The following SLC24A2 variants were observed in gnomAD, a reference collection of about 807,000 sequenced individuals.
The protein encoded by SLC24A2 is sodium/potassium/calcium exchanger 2.
In SLC24A2, 36 loss-of-function variants were observed where a neutral mutation model predicts 62.0. The ratio of observed to expected loss-of-function variants is 0.58; its 90% CI spans 0.44 to 0.77. SLC24A2 has a LOEUF of 0.77. Ranked by LOEUF, SLC24A2 falls within the 30% of genes least tolerant of loss-of-function variation. The pLI, the probability that SLC24A2 is intolerant of heterozygous loss-of-function variation, is 0.00. For synonymous variants in SLC24A2, 358 were observed against 294.0 expected (o/e 1.22, Z -2.23); for missense variants, 846 against 817.9 (o/e 1.03, Z -0.42).
the SLC24A2 span, among the ~76,000 whole-genome samples, chr9:20,231,781 A>G: frequency 2.0e-5 from 3 of 151,436 alleles, no homozygotes; most frequent in Non-Finnish European, 4.4e-5. Flanking sequence ...GTTGAACAGG[A>G]GTGGTGAGAG....
At chr9:19,694,049 C>T (rs1445217978) in intron 2 of SLC24A2, among the ~76,000 whole-genome samples, 1 of 151,320 alleles carries the variant, frequency 6.6e-6, no homozygotes, top group Non-Finnish European at 1.5e-5. Context: ...TTAATTAGTT[C>T]AACTAAAACA....
At chr9:20,151,333 C>A in the SLC24A2 span, among the ~76,000 whole-genome samples, 1 of 151,900 alleles carries the variant, frequency 6.6e-6, no homozygotes, top group Non-Finnish European at 1.5e-5. Context: ...TTCAGCCTTA[C>A]CATCCCCACT....
At chr9:19,835,369 G>A in the SLC24A2 span, among the ~76,000 whole-genome samples, 2 of 150,972 alleles carry the variant, frequency 1.3e-5, no homozygotes, top group Non-Finnish European at 3.0e-5. Context: ...CAAAATAAAG[G>A]GATGGAGGAA....
At chr9:20,109,588 T>C in the SLC24A2 span, among the ~76,000 whole-genome samples, 2 of 152,336 alleles carry the variant, frequency 1.3e-5, no homozygotes, top group African/African-American at 4.8e-5. Flanking sequence ...TTCACATGTG[T>C]CATCACAACT....
At chr9:20,014,582 C>G in the SLC24A2 span, among the ~76,000 whole-genome samples, 84 of 151,530 alleles carry the variant, frequency 5.5e-4, no homozygotes, top group African/African-American at 1.9e-3. Flanking sequence ...ACTTGCAACA[C>G]CATGGATTAA....
chr9:19,562,489 G>A (rs898065536), intron 7 of SLC24A2, among the ~76,000 whole-genome samples: 11 of 152,096 alleles, frequency 7.2e-5, no homozygotes, highest in African/African-American at 2.4e-4. Flanking sequence ...TTCAAATTAA[G>A]GCAGAAACTC....
intron 8 of SLC24A2, among the ~76,000 whole-genome samples, chr9:19,534,626 G>C (rs1333287953): frequency 4.0e-5 from 6 of 151,744 alleles, no homozygotes; most frequent in African/African-American, 1.2e-4. Flanking sequence ...TTCTGTTCTT[G>C]TGTTAGTTTG....
At chr9:19,960,755 T>C in the SLC24A2 span, among the ~76,000 whole-genome samples, 6 of 152,104 alleles carry the variant, frequency 3.9e-5, no homozygotes, top group Non-Finnish European at 8.8e-5. Context: ...TCACATAATC[T>C]CCAAGCTGTG....
At chr9:19,954,050 G>A in the SLC24A2 span, among the ~76,000 whole-genome samples, 2 of 151,798 alleles carry the variant, frequency 1.3e-5, no homozygotes, top group South Asian at 4.2e-4. Context: ...GGGAACTATG[G>A]GTCTAGGGTA....
At chr9:19,924,104 C>T in the SLC24A2 span, among the ~76,000 whole-genome samples, 1 of 152,334 alleles carries the variant, frequency 6.6e-6, no homozygotes, top group Admixed American at 6.5e-5. Context: ...ATGCCACCGT[C>T]ATGCCTGTGA....
At chr9:19,999,515 A>C in the SLC24A2 span, among the ~76,000 whole-genome samples, 3 of 152,336 alleles carry the variant, frequency 2.0e-5, no homozygotes, top group Non-Finnish European at 4.4e-5. Context: ...ATTTACAATA[A>C]ATACTCCAAC....
the SLC24A2 span, among the ~76,000 whole-genome samples, chr9:19,802,760 A>G: frequency 1.3e-5 from 2 of 152,358 alleles, no homozygotes; most frequent in Admixed American, 1.3e-4. Context: ...TCAATATTTA[A>G]TAAAACTTCA....
At chr9:20,172,147 A>T in the SLC24A2 span, among the ~76,000 whole-genome samples, 3 of 152,048 alleles carry the variant, frequency 2.0e-5, no homozygotes, top group Admixed American at 1.3e-4. Context: ...AACAGAAATT[A>T]AAAAATTCTT....
the SLC24A2 span, among the ~76,000 whole-genome samples, chr9:20,097,952 C>A: frequency 2.6e-5 from 4 of 151,666 alleles, no homozygotes; most frequent in East Asian, 7.8e-4. Context: ...CCATGTTAGC[C>A]AGTATGGTCT....
chr9:19,987,717 T>G, the SLC24A2 span, among the ~76,000 whole-genome samples: 3 of 152,196 alleles, frequency 2.0e-5, no homozygotes, highest in East Asian at 5.8e-4. Flanking sequence ...GAGGAAACTG[T>G]TAGCCTGATA....
chr9:19,773,906 C>G (rs988750894), intron 2 of SLC24A2, among the ~76,000 whole-genome samples: 7 of 152,184 alleles, frequency 4.6e-5, no homozygotes, highest in Non-Finnish European at 8.8e-5. Context: ...AGATAGGGAA[C>G]TATTTCTCTC....
chr9:19,716,612 G>A (rs1266789693), intron 2 of SLC24A2, among the ~76,000 whole-genome samples: 1 of 152,084 alleles, frequency 6.6e-6, no homozygotes, highest in Non-Finnish European at 1.5e-5. Flanking sequence ...TTTGCCTTTA[G>A]GCCAATCATA....
chr9:19,677,730 A>G (rs1205759099), intron 2 of SLC24A2, among the ~76,000 whole-genome samples: 4 of 151,606 alleles, frequency 2.6e-5, no homozygotes, highest in Non-Finnish European at 5.9e-5. Flanking sequence ...ATTGTATACA[A>G]TATACAAAGT....
At chr9:19,560,293 ATGAGC>A in intron 7 of SLC24A2, among the ~76,000 whole-genome samples, 5 of 142,960 alleles carry the variant, frequency 3.5e-5, no homozygotes, top group African/African-American at 1.3e-4. Flanking sequence ...CTGAAAGTTT[ATGAGC>A]CCGCCCCCCA....
Sources: allele counts gnomAD v4.1 joint callset (sites outside exome capture counted in the v4.1 genomes callset), GRCh38; gene constraint gnomAD v4.1.1; transcripts MANE v1.5; gene names NCBI Gene and HGNC (gene_info 2026-07-23, HGNC 2026-07-21).